ERC2: variants seen among roughly 807,000 people sequenced by gnomAD.
ERC2 encodes ERC protein 2.
A neutral mutation model predicts 114.8 loss-of-function variants in ERC2; 42 were observed. That is an observed-to-expected ratio of 0.37 (90% CI 0.29 to 0.47). The LOEUF (loss-of-function observed/expected upper bound fraction) is 0.47, where lower values mean the gene tolerates loss of function less well. Among genes scored for constraint, ERC2 ranks in the 20% least tolerant of loss-of-function variants. The pLI is 0.99. For synonymous variants in ERC2, 454 were observed against 425.5 expected, an observed-to-expected ratio of 1.07 and a Z score of -0.82; for missense variants, 939 against 1,150.7, an observed-to-expected ratio of 0.82 and a Z score of 2.66.
In ERC2 at chr3:56,082,925, A is replaced by G. The variant is rs561380898; in HGVS notation, c.1474-1941T>C. Among the ~76,000 whole-genome samples the G allele has an allele frequency of 2.6e-5, 4 of 152,186 alleles. No individual in the cohort carries two copies. In the South Asian group the frequency reaches 6.2e-4, roughly 24 times the overall value. ...ACAATGGGGTTCACTCTCCTATGAC[A>G]GTCTAATGCCTGATGATCTGAGGTG... On this transcript the variant is annotated intron_variant, in intron 6 of 17. Transcript: ENST00000288221.
At chr3:55,605,298 G>A (rs1380843407) in intron 17 of ERC2, among the ~76,000 whole-genome samples, 2 of 151,880 alleles carry the variant, frequency 1.3e-5, no homozygotes, top group Non-Finnish European at 2.9e-5. Flanking sequence ...TTATTCTTTT[G>A]TTGCCCAGGC....
chr3:56,071,710 T>C (rs2076747742), intron 7 of ERC2, among the ~76,000 whole-genome samples: 1 of 152,144 alleles, frequency 6.6e-6, no homozygotes, highest in Non-Finnish European at 1.5e-5. Flanking sequence ...TAAAATACCA[T>C]TTCATCAATG....
chr3:55,950,210 A>ATT (rs2149443506), intron 13 of ERC2, among the ~76,000 whole-genome samples: 1 of 152,294 alleles, frequency 6.6e-6, no homozygotes, highest in African/African-American at 2.4e-5. Context: ...TCTGCCTTGT[A>ATT]TTTCCAGGCT....
chr3:55,655,850 C>T (rs553564047), intron 17 of ERC2, among the ~76,000 whole-genome samples: 123 of 152,348 alleles, frequency 8.1e-4, no homozygotes, highest in African/African-American at 2.6e-3. Context: ...AGTGCAACCA[C>T]GTCAGGTGCC....
At chr3:56,232,367 T>G (rs1172291132) in intron 3 of ERC2, among the ~76,000 whole-genome samples, 1 of 152,194 alleles carries the variant, frequency 6.6e-6, no homozygotes, top group Non-Finnish European at 1.5e-5. Context: ...CTCTCTTACC[T>G]AGATACATTA....
At chr3:55,515,106 G>A (rs961546607) in intron 17 of ERC2, among the ~76,000 whole-genome samples, 2 of 152,136 alleles carry the variant, frequency 1.3e-5, no homozygotes, top group Admixed American at 6.5e-5. Flanking sequence ...GAAAAGGAAC[G>A]GGGAACTGTG....
At chr3:56,271,773 C>G (rs1054996603) in intron 3 of ERC2, among the ~76,000 whole-genome samples, 14 of 152,150 alleles carry the variant, frequency 9.2e-5, no homozygotes, top group Admixed American at 9.2e-4. Context: ...CTTCCACCCT[C>G]AAGTAGGTCC....
At chr3:55,938,136 G>A (rs2066569259) in intron 13 of ERC2, among the ~76,000 whole-genome samples, 1 of 152,108 alleles carries the variant, frequency 6.6e-6, no homozygotes, top group Admixed American at 6.5e-5. Context: ...AGAGAAGCAA[G>A]AACCCAGCCT....
At chr3:56,453,311 A>T (rs2062909712) in intron 1 of ERC2, among the ~76,000 whole-genome samples, 1 of 152,202 alleles carries the variant, frequency 6.6e-6, no homozygotes, top group Non-Finnish European at 1.5e-5. Flanking sequence ...CTCTACCATG[A>T]AGATAGGCTG....
intron 4 of ERC2, among the ~76,000 whole-genome samples, chr3:56,159,552 T>G (rs2081940128): frequency 6.6e-6 from 1 of 152,194 alleles, no homozygotes; most frequent in Admixed American, 6.5e-5. Flanking sequence ...ATGTACAGGT[T>G]TGTTACTCGG....
chr3:56,412,822 T>TATATA (rs1422477861), intron 2 of ERC2, among the ~76,000 whole-genome samples: 1 of 152,228 alleles, frequency 6.6e-6, no homozygotes, highest in Non-Finnish European at 1.5e-5. Flanking sequence ...GCTATTACTA[T>TATATA]TATTTTATTC....
At chr3:56,412,880 T>A (rs1004012776) in intron 2 of ERC2, among the ~76,000 whole-genome samples, 2 of 152,222 alleles carry the variant, frequency 1.3e-5, no homozygotes, top group Admixed American at 6.5e-5. Flanking sequence ...AAGTCAGGAA[T>A]ATGGCAGTGC....
At chr3:55,698,575 T>C (rs1405242034) in intron 16 of ERC2, among the ~76,000 whole-genome samples, 1 of 152,102 alleles carries the variant, frequency 6.6e-6, no homozygotes, top group Non-Finnish European at 1.5e-5. Context: ...TTGTTACCTA[T>C]TGCTCCCATC....
intron 17 of ERC2, among the ~76,000 whole-genome samples, chr3:55,649,916 C>T (rs200309529): frequency 2.4e-4 from 37 of 152,288 alleles, no homozygotes; most frequent in Non-Finnish European, 4.1e-4. Context: ...AAATCCACGT[C>T]GCTGGAAGAC....
At chr3:55,980,747 G>GA (rs111743935) in intron 12 of ERC2, among the ~76,000 whole-genome samples, 104 of 143,960 alleles carry the variant, frequency 7.2e-4, no homozygotes, top group Middle Eastern at 3.6e-3. Flanking sequence ...AAAGGTTTTA[G>GA]AAAAAAAAAA....
intron 3 of ERC2, among the ~76,000 whole-genome samples, chr3:56,274,226 T>C (rs536475200): frequency 2.6e-5 from 4 of 152,212 alleles, no homozygotes; most frequent in Non-Finnish European, 4.4e-5. Flanking sequence ...ACAAGGGATC[T>C]AGGCTGCATG....
chr3:56,225,934 G>A (rs1331745834), intron 3 of ERC2, among the ~76,000 whole-genome samples: 3 of 152,150 alleles, frequency 2.0e-5, no homozygotes, highest in Non-Finnish European at 4.4e-5. Flanking sequence ...CCAACAATCT[G>A]CCTTCCTAAG....
chr3:56,270,169 TAAAA>T (rs746514541), intron 3 of ERC2, among the ~76,000 whole-genome samples: 3 of 136,678 alleles, frequency 2.2e-5, no homozygotes, highest in Non-Finnish European at 3.1e-5. Flanking sequence ...CAAGAGCACC[TAAAA>T]AAAAAAAAGA....
At chr3:55,756,500 T>C (rs564393959) in intron 14 of ERC2, among the ~76,000 whole-genome samples, 1 of 152,306 alleles carries the variant, frequency 6.6e-6, no homozygotes, top group Admixed American at 6.5e-5. Context: ...TTTGAGGCTG[T>C]GGATCACTGT....
Sources: allele counts gnomAD v4.1 joint callset (sites outside exome capture counted in the v4.1 genomes callset), GRCh38; gene constraint gnomAD v4.1.1; transcripts MANE v1.5; gene names NCBI Gene and HGNC (gene_info 2026-07-23, HGNC 2026-07-21).